The following AASS variants were observed in gnomAD, a reference collection of about 807,000 sequenced individuals.
The protein encoded by AASS is aminoadipate-semialdehyde synthase, also known as alpha-aminoadipic semialdehyde synthase, mitochondrial.
Under a neutral mutation model 105.4 loss-of-function variants are expected in AASS, and 86 were observed. The ratio of observed to expected loss-of-function variants is 0.82; its 90% confidence interval spans 0.69 to 0.98. The LOEUF (loss-of-function observed/expected upper bound fraction) is 0.98, where lower values mean the gene tolerates loss of function less well. AASS is among the 50% of genes least tolerant of loss of function. The pLI, the probability that AASS is intolerant of heterozygous loss-of-function variation, is 0.00. For missense variants in AASS, 1,048 were observed against 1,143.2 expected (o/e 0.92, Z 1.20); for synonymous variants, 381 against 394.8 (o/e 0.96, Z 0.41).
intron 6 of AASS, among the ~76,000 whole-genome samples, chr7:122,117,804 C>T (rs567000548): frequency 6.6e-4 from 100 of 151,916 alleles, no homozygotes; most frequent in South Asian, 2.9e-3. Context: ...TATGGGTGTG[C>T]GTCACCATGC....
At chr7:122,082,890 C>A in intron 19 of AASS, 1 of 1,283,468 alleles carries the variant, frequency 7.8e-7, no homozygotes, top group Non-Finnish European at 1.0e-6. Context: ...GCATTCCAAT[C>A]CCTAAAAGAG....
In AASS at chr7:122,081,522, G is replaced by A. The variant is rs753561492; in HGVS notation, c.2258C>T (p.Pro753Leu). 1 of 1,613,822 alleles carries A rather than the reference G, an allele frequency of 6.2e-7. No homozygotes were observed. Among genetic ancestry groups the A allele is most frequent in the South Asian group, 1.1e-5 (1 of 91,082 alleles). The change falls in exon 20 of 24, where the codon CCT (proline) becomes CTT (leucine). Residue 753 changes from proline (P) to leucine (L), a missense_variant. Physicochemically the swap from Pro to Leu is moderately conservative, Grantham distance 98. Transcript: ENST00000417368. ...INREALPAFR[P>L]EANPLTWKQL... ...CACCCAGGTGAGAGGGTTGGCCTCA[G>A]GTCTAAAGGCAGGAAGCGCTTCTCT...
chr7:122,143,055 G>A (rs1220578198), intron 1 of AASS, among the ~76,000 whole-genome samples: 1 of 152,128 alleles, frequency 6.6e-6, no homozygotes. Flanking sequence ...AAGTCATGTA[G>A]CCCTAGATTC....
At chr7:122,124,543 G>A (rs766614517) in intron 4 of AASS, among the ~76,000 whole-genome samples, 102 of 152,142 alleles carry the variant, frequency 6.7e-4, no homozygotes, top group Non-Finnish European at 1.1e-3. Context: ...TCGGCCTCCC[G>A]AAGTGCTGGG....
intron 6 of AASS, 134 bp from the exon 7 acceptor site, chr7:122,117,091 A>ATCTGTATTTCTGTGTT: frequency 1.3e-6 from 1 of 784,644 alleles, no homozygotes; most frequent in Non-Finnish European, 2.2e-6. Flanking sequence ...ACTGCAACAC[A>ATCTGTATTTCTGTGTT]GAAATACAGA....
chr7:122,121,827 A>G (rs1230558517), intron 4 of AASS, among the ~76,000 whole-genome samples: 1 of 152,100 alleles, frequency 6.6e-6, no homozygotes, highest in Non-Finnish European at 1.5e-5. Context: ...CTTCTATGTC[A>G]GTGAATTTTA....
chr7:122,129,265 TA>T, intron 3 of AASS, 95 bp downstream of exon 3: 1 of 783,936 alleles, frequency 1.3e-6, no homozygotes, highest in Non-Finnish European at 1.9e-6. Flanking sequence ...TCTCTTAAAC[TA>T]AAGAAGAAAA....
intron 4 of AASS, among the ~76,000 whole-genome samples, chr7:122,125,858 A>C (rs1795635163): frequency 6.6e-6 from 1 of 152,222 alleles, no homozygotes; most frequent in Non-Finnish European, 1.5e-5. Flanking sequence ...TATTTTTTAC[A>C]TAAGGAATCT....
In AASS at chr7:122,116,587, C is replaced by T. The variant is rs1795187506; in HGVS notation, c.894+46G>A. The T allele has an allele frequency of 2.5e-6, 4 of 1,612,316 alleles. No individual in the cohort carries two copies. In the African/African-American group the frequency reaches 4.0e-5, roughly 16 times the overall value. ...TCTCTCCTTGAAAATAGCCTACCTA[C>T]ACTGTATCATAAGCAACCAACTTAA... On this transcript the variant is annotated intron_variant, in intron 8 of 23. Transcript: ENST00000417368.
intron 7 of AASS, 39 bp downstream of exon 7, chr7:122,116,840 G>A (rs766691677): frequency 2.5e-6 from 4 of 1,610,522 alleles, no homozygotes; most frequent in Non-Finnish European, 3.4e-6. Context: ...AACATAGACT[G>A]TTAAAAACAT....
At chr7:122,109,667 T>A (rs571189198) in intron 11 of AASS, among the ~76,000 whole-genome samples, 2 of 151,730 alleles carry the variant, frequency 1.3e-5, no homozygotes, top group African/African-American at 4.8e-5. Flanking sequence ...GATTAAACAC[T>A]TAAATGGAAG....
chr7:122,078,668 C>T (rs1793156564), intron 22 of AASS, among the ~76,000 whole-genome samples, 194 bp downstream of exon 22: 1 of 151,994 alleles, frequency 6.6e-6, no homozygotes, highest in African/African-American at 2.4e-5. Flanking sequence ...TTTCCTTTCC[C>T]ATAATAACTA....
rs1272366252 is a variant in AASS at position 122,075,748 on chromosome 7, A to G, written c.*741T>C. 6.6e-6 allele frequency: 1 copy of G among 152,226 alleles called. No individual in the cohort carries two copies. The highest frequency in any genetic ancestry group is 1.9e-4 in the East Asian group (1 of 5,202). The allele number at this position is 152,226 out of a possible 1,614,324, so 9.4% of individuals were successfully genotyped here. On this transcript the variant is annotated 3_prime_UTR_variant, in exon 24 of 24. Coordinates refer to ENST00000417368, the MANE Select transcript of AASS (RefSeq NM_005763.4). The stretch of plus-strand genomic sequence containing the variant: ...ATCTATTCTCATGTCCAAACACTCA[A>G]GAGAAAACTATAAGGAACTATATTT...
intron 17 of AASS, 146 bp from the exon 18 acceptor site, chr7:122,091,989 C>A (rs1043310370): frequency 1.6e-6 from 1 of 624,148 alleles, no homozygotes; most frequent in Non-Finnish European, 2.8e-6. Flanking sequence ...AATACATCTT[C>A]AAAGCATGTA....
chr7:122,107,124 G>A (rs1291583287), intron 11 of AASS, among the ~76,000 whole-genome samples: 1 of 152,038 alleles, frequency 6.6e-6, no homozygotes, highest in East Asian at 1.9e-4. Context: ...CAGTCAACAA[G>A]CATATGAAAA....
chr7:122,113,261 A>C (rs1299093173), intron 10 of AASS, 32 bp from the exon 11 acceptor site: 5 of 1,573,708 alleles, frequency 3.2e-6, no homozygotes, highest in Non-Finnish European at 2.6e-6. Flanking sequence ...ATTCAGAAGC[A>C]CAAAACATTA....
At chr7:122,099,010 A>G in intron 13 of AASS, 144 bp from the exon 14 acceptor site, 1 of 898,720 alleles carries the variant, frequency 1.1e-6, no homozygotes. Context: ...TTAAAATAAG[A>G]ATTTCAACAT....
intron 13 of AASS, among the ~76,000 whole-genome samples, chr7:122,100,464 A>G (rs143297877): frequency 2.6e-5 from 4 of 152,058 alleles, no homozygotes; most frequent in Admixed American, 1.3e-4. Flanking sequence ...TCACTGACAC[A>G]TTAAAAAGTA....
intron 17 of AASS, among the ~76,000 whole-genome samples, chr7:122,092,250 G>A (rs1793939509): frequency 6.6e-6 from 1 of 151,654 alleles, no homozygotes; most frequent in South Asian, 2.1e-4. Flanking sequence ...CCTCGCCAAA[G>A]GTACTATTTC....
Sources: gnomAD v4.1 joint callset for allele counts (sites outside exome capture counted in the v4.1 genomes callset) on GRCh38, gnomAD v4.1.1 for gene constraint, MANE v1.5 for transcripts, NCBI Gene and HGNC (gene_info 2026-07-23, HGNC 2026-07-21) for gene names.